MCM8: variants seen among roughly 807,000 people sequenced by gnomAD.
The protein encoded by MCM8 is minichromosome maintenance 8 homologous recombination repair factor.
Under a neutral mutation model 98.9 loss-of-function variants are expected in MCM8, and 85 were observed. That is an observed-to-expected ratio of 0.86 (90% CI 0.72 to 1.03). The LOEUF is 1.03. Ranked by LOEUF, MCM8 falls within the 50% of genes least tolerant of loss-of-function variation. The probability of loss-of-function intolerance (pLI) is 0.00; values close to 1 mark genes in which losing one functional copy is unlikely to be tolerated. For synonymous variants in MCM8, 352 were observed against 338.6 expected, an observed-to-expected ratio of 1.04 and a Z score of -0.44; for missense variants, 951 against 997.8, an observed-to-expected ratio of 0.95 and a Z score of 0.63.
chr20:5,951,814 T>C (rs971353376), intron 1 of MCM8, among the ~76,000 whole-genome samples, 197 bp from the exon 2 acceptor site: 1 of 152,264 alleles, frequency 6.6e-6, no homozygotes, highest in African/African-American at 2.4e-5. Flanking sequence ...TATTATGGTA[T>C]ACCTTAAAAA....
chr20:5,967,674 A>C, intron 9 of MCM8, 87 bp downstream of exon 9: 2 of 1,449,554 alleles, frequency 1.4e-6, no homozygotes, highest in East Asian at 2.3e-5. Flanking sequence ...ACCTCAAATA[A>C]TTTGAGGAAT....
At chr20:5,956,555 G>A (rs959091170) in intron 5 of MCM8, among the ~76,000 whole-genome samples, 1 of 152,008 alleles carries the variant, frequency 6.6e-6, no homozygotes, top group Admixed American at 6.6e-5. Flanking sequence ...TGCCACACTT[G>A]GCTAATTTTT....
In MCM8 at chr20:5,993,700, G is replaced by T; in HGVS notation, c.2430+5G>T. On this transcript the variant is annotated splice_donor_5th_base_variant and intron_variant, in intron 18 of 18. Transcript: ENST00000610722. ...GCCAAAGAACTAAACATTCAGGTAT[G>T]TTAAACTAGTTAATCTCTTTTGTAA... 1 of 1,581,780 alleles carries T rather than the reference G, an allele frequency of 6.3e-7. No individual in the cohort carries two copies. The highest frequency in any genetic ancestry group is 2.2e-5 in the East Asian group (1 of 44,556).
chr20:5,984,339 A>G (rs2089687738), intron 14 of MCM8, among the ~76,000 whole-genome samples: 1 of 152,176 alleles, frequency 6.6e-6, no homozygotes, highest in Non-Finnish European at 1.5e-5. Flanking sequence ...AAAAAAATCA[A>G]CCTACTAGTA....
At chr20:5,982,924 A>T (rs2089656603) in intron 13 of MCM8, 46 bp from the exon 14 acceptor site, 1 of 1,535,568 alleles carries the variant, frequency 6.5e-7, no homozygotes, top group African/African-American at 1.4e-5. Context: ...TTGGAACTTG[A>T]CCAAAGAAAA....
chr20:5,984,748 A>G (rs1392618871), intron 14 of MCM8, 33 bp from the exon 15 acceptor site: 3 of 1,536,790 alleles, frequency 2.0e-6, no homozygotes, highest in South Asian at 1.2e-5. Flanking sequence ...TTTGATTCCA[A>G]TCATTGTTTC....
Position 5,968,031 on chromosome 20 carries a change from T to C in MCM8, c.1223+6T>C. 1.9e-6 allele frequency: 3 copies of C among 1,586,798 alleles called. No homozygotes were observed. Among genetic ancestry groups the C allele is most frequent in the Non-Finnish European group, 2.6e-6 (3 of 1,166,554 alleles). On this transcript the variant is annotated splice_donor_region_variant and intron_variant, in intron 10 of 18. Coordinates refer to ENST00000610722, the MANE Select transcript of MCM8 (RefSeq NM_032485.6). ...CTGTTTAAACTCATTGTCAAGTATG[T>C]ATGCTGTCATTTGAAATTTTATTAC...
intron 1 of MCM8, 22 bp from the exon 2 acceptor site, chr20:5,951,989 C>T (rs146361865): frequency 5.7e-6 from 9 of 1,590,758 alleles, no homozygotes; most frequent in East Asian, 2.2e-5. Context: ...TGGTGAAGAC[C>T]TTTTTAATAT....
chr20:5,985,007 A>G lies in MCM8; in HGVS notation c.1953+7A>G, dbSNP rs763689979. ...ATTATCAGAAAGACTAAAGGTATAA[A>G]TGTTTCTTCTCCTTATTCAGTTTGG... On this transcript the variant is annotated splice_region_variant and intron_variant, in intron 15 of 18. Transcript: ENST00000610722. 15 of 1,604,938 alleles carry G rather than the reference A, an allele frequency of 9.3e-6. 1 individual carries two copies. In the South Asian group the frequency reaches 1.7e-4, roughly 18 times the overall value.
At chr20:5,964,472 A>T (rs928702602) in intron 8 of MCM8, 2 of 152,244 alleles carry the variant, frequency 1.3e-5, no homozygotes, top group African/African-American at 4.8e-5. Flanking sequence ...CGTGTGGCCT[A>T]TGAGTATGGT....
intron 9 of MCM8, 114 bp from the exon 10 acceptor site, chr20:5,967,716 C>A: frequency 7.3e-7 from 1 of 1,365,000 alleles, no homozygotes; most frequent in Admixed American, 2.3e-5. Context: ...GAAACATTCC[C>A]TTTTAAAAAA....
At position 5,994,890 on chromosome 20, in the gene MCM8, G is replaced by A. The variant is rs1010184295; in HGVS notation, c.*499G>A. The A allele has an allele frequency of 5.3e-6, 1 of 188,074 alleles. No individual in the cohort carries two copies. Among genetic ancestry groups the A allele is most frequent in the Non-Finnish European group, 1.1e-5 (1 of 88,512 alleles). 11.7% of individuals were successfully genotyped at this position (188,074 alleles called of 1,614,324 possible). The stretch of plus-strand genomic sequence containing the variant: ...CACCAATCACTGCACTCCAGCCTGG[G>A]CAATAAAGTAACTCTTGACTCAAAA... On this transcript the variant is annotated 3_prime_UTR_variant, in exon 19 of 19. Transcript: ENST00000610722.
intron 8 of MCM8, among the ~76,000 whole-genome samples, chr20:5,964,115 A>G (rs948766056): frequency 9.6e-6 from 1 of 103,798 alleles, no homozygotes; most frequent in African/African-American, 4.6e-5. Flanking sequence ...GGGTTTTTTA[A>G]TAGCTTTTTT....
chr20:5,973,138 G>A lies in MCM8; in HGVS notation c.1337G>A (p.Gly446Glu). The change falls in exon 12 of 19, where the codon GGA (glycine) becomes GAA (glutamate). Residue 446 changes from glycine (G) to glutamate (E), a missense_variant. Physicochemically the swap from Gly to Glu is moderately conservative, Grantham distance 98. Coordinates refer to ENST00000610722, the MANE Select transcript of MCM8 (RefSeq NM_032485.6). ...ADDKNRIPIR[G>E]DPHILVVGDP... ...GACAAAAACAGAATTCCAATTCGGG[G>A]AGACCCCCACATCCTTGTTGTTGGA... is the stretch of plus-strand genomic sequence containing the variant. 1.2e-6 allele frequency: 2 copies of A among 1,614,202 alleles called. No homozygotes were observed. The highest frequency in any genetic ancestry group is 1.7e-6 in the Non-Finnish European group (2 of 1,180,024).
rs776500031 is a variant in MCM8, at chr20:5,986,140, C to G, written c.2163+9C>G. Reference sequence around the variant, plus strand: ...TGATTCGTCTGACAGAGGTTTGTTTCTTTTTATGGTCATGCTTTTTTTGGC... The same window carrying G: ...TGATTCGTCTGACAGAGGTTTGTTTGTTTTTATGGTCATGCTTTTTTTGGC... On this transcript the variant is annotated intron_variant, in intron 16 of 18. Transcript: ENST00000610722. 1 of 1,613,558 alleles carries G rather than the reference C, an allele frequency of 6.2e-7. No individual in the cohort carries two copies. The highest frequency in any genetic ancestry group is 1.1e-5 in the South Asian group (1 of 91,056).
chr20:5,964,841 TTAAG>T (rs1568576931), intron 8 of MCM8, among the ~76,000 whole-genome samples: 1 of 152,206 alleles, frequency 6.6e-6, no homozygotes, highest in Non-Finnish European at 1.5e-5. Flanking sequence ...CTTACATTAA[TTAAG>T]TAAAAAAAGC....
intron 10 of MCM8, among the ~76,000 whole-genome samples, chr20:5,968,625 T>C (rs1215781333): frequency 1.3e-5 from 2 of 152,214 alleles, no homozygotes; most frequent in East Asian, 1.9e-4. Flanking sequence ...TTTACATAAG[T>C]GTGCTGCTTT....
intron 12 of MCM8, among the ~76,000 whole-genome samples, chr20:5,973,429 A>G (rs542300289): frequency 6.6e-6 from 1 of 152,372 alleles, no homozygotes; most frequent in South Asian, 2.1e-4. Flanking sequence ...TGAGACATCA[A>G]CTATTAGGAA....
intron 18 of MCM8, 22 bp downstream of exon 18, chr20:5,993,717 CTT>C: frequency 6.5e-7 from 1 of 1,528,666 alleles, no homozygotes; most frequent in Non-Finnish European, 8.9e-7. Flanking sequence ...TAGTTAATCT[CTT>C]TTGTAATAAT....
Sources: gnomAD v4.1 joint callset for allele counts (sites outside exome capture counted in the v4.1 genomes callset) on GRCh38, gnomAD v4.1.1 for gene constraint, MANE v1.5 for transcripts, NCBI Gene and HGNC (gene_info 2026-07-23, HGNC 2026-07-21) for gene names.